Variants in APBB2 observed in about 807,000 individuals in gnomAD.
APBB2 encodes the protein Fe65-like 1.
Under a neutral mutation model 82.5 loss-of-function variants are expected in APBB2, and 38 were observed. The observed-to-expected ratio is 0.46, with a 90% CI of 0.36 to 0.60. The LOEUF (loss-of-function observed/expected upper bound fraction) is 0.60. APBB2 is among the 20% of genes least tolerant of loss of function. The probability of loss-of-function intolerance (pLI) is 0.00; values close to 1 mark genes in which losing one functional copy is unlikely to be tolerated. For synonymous variants in APBB2, 341 were observed against 368.2 expected (o/e 0.93, Z 0.85); for missense variants, 772 against 972.3 (o/e 0.79, Z 2.74).
chr4:41,020,421 C>T (rs571534731), intron 5 of APBB2, among the ~76,000 whole-genome samples: 1 of 152,318 alleles, frequency 6.6e-6, no homozygotes, highest in Admixed American at 6.5e-5. Flanking sequence ...GATAAGGGAA[C>T]TCCTGTAGAA....
At chr4:40,837,358 C>T (rs1388530369) in intron 12 of APBB2, among the ~76,000 whole-genome samples, 2 of 152,210 alleles carry the variant, frequency 1.3e-5, no homozygotes, top group African/African-American at 2.4e-5. Flanking sequence ...TTAGCACTTC[C>T]GGCTTCCAGA....
rs539054652 is a variant in APBB2 at position 41,151,577 on chromosome 4, G to A, written c.-416-8435C>T. On this transcript the variant is annotated intron_variant, in intron 1 of 17. Transcript: ENST00000508593. ...AAAAGATCTTCTGTGGTAAAATCAG[G>A]TTTAGGTTTTTCTGAAAGCGTATTT... Among the ~76,000 whole-genome samples, 556 of 152,196 alleles carry A rather than the reference G, an allele frequency of 3.7e-3. 1 individual carries two copies. Among genetic ancestry groups the A allele is most frequent in the South Asian group, 0.011 (54 of 4,816 alleles).
chr4:41,062,130 G>A (rs17442778), intron 4 of APBB2, among the ~76,000 whole-genome samples: 25,381 of 151,878 alleles, frequency 0.17, 2,312 homozygotes, highest in Non-Finnish European at 0.21. Context: ...TCTGCAGAAC[G>A]TCAGCTTGAG....
chr4:40,992,370 GTCT>G (rs1454020191), intron 6 of APBB2, among the ~76,000 whole-genome samples: 1 of 142,616 alleles, frequency 7.0e-6, no homozygotes, highest in Non-Finnish European at 1.5e-5. Flanking sequence ...ATGGGGGGGG[GTCT>G]TTCTATGTTG....
chr4:41,079,549 ATTT>A (rs36207850), intron 3 of APBB2, among the ~76,000 whole-genome samples: 1 of 145,064 alleles, frequency 6.9e-6, no homozygotes. Context: ...AGGCTCATCA[ATTT>A]TTTTTTTTTT....
intron 12 of APBB2, among the ~76,000 whole-genome samples, chr4:40,866,957 T>C (rs59160629): frequency 3.9e-5 from 6 of 152,164 alleles, no homozygotes; most frequent in Admixed American, 1.3e-4. Context: ...GGTTTCACTA[T>C]GTTGGTCAGG....
At chr4:40,960,346 G>A (rs771486300) in intron 6 of APBB2, among the ~76,000 whole-genome samples, 139 of 150,694 alleles carry the variant, frequency 9.2e-4, no homozygotes, top group Middle Eastern at 3.5e-3. Flanking sequence ...AATAACACAA[G>A]AGAATAGACC....
chr4:40,935,827 C>T (rs1317834000), intron 7 of APBB2, among the ~76,000 whole-genome samples: 1 of 151,700 alleles, frequency 6.6e-6, no homozygotes, highest in Non-Finnish European at 1.5e-5. Flanking sequence ...ATTTTCTAAA[C>T]GTAATTATAG....
chr4:40,829,558 C>G (rs1751151153), intron 13 of APBB2, among the ~76,000 whole-genome samples: 1 of 152,158 alleles, frequency 6.6e-6, no homozygotes, highest in Non-Finnish European at 1.5e-5. Context: ...CAGTCAGTAC[C>G]TGGAAGTTCC....
intron 5 of APBB2, among the ~76,000 whole-genome samples, chr4:41,020,797 G>C (rs1309550760): frequency 6.6e-6 from 1 of 152,168 alleles, no homozygotes; most frequent in African/African-American, 2.4e-5. Flanking sequence ...ATCCCAAATA[G>C]ACTCTGGCAG....
At chr4:40,920,972 T>A (rs1217964871) in intron 10 of APBB2, among the ~76,000 whole-genome samples, 7 of 152,182 alleles carry the variant, frequency 4.6e-5, no homozygotes, top group Non-Finnish European at 1.0e-4. Context: ...CCAGACTGCC[T>A]GGGTTCAAAT....
intron 6 of APBB2, among the ~76,000 whole-genome samples, chr4:40,982,191 A>C (rs1486744297): frequency 1.3e-5 from 1 of 78,188 alleles, no homozygotes; most frequent in African/African-American, 4.3e-5. Flanking sequence ...GTCTCAAAAA[A>C]AAGGAAAGAA....
chr4:40,835,495 G>T (rs568611114), intron 12 of APBB2, among the ~76,000 whole-genome samples: 1 of 152,320 alleles, frequency 6.6e-6, no homozygotes, highest in South Asian at 2.1e-4. Context: ...ATTGAAACAG[G>T]TATGAGCAAA....
At chr4:41,087,991 G>A (rs188144797) in intron 3 of APBB2, among the ~76,000 whole-genome samples, 18 of 152,284 alleles carry the variant, frequency 1.2e-4, no homozygotes, top group Admixed American at 1.0e-3. Context: ...AATGGTAACC[G>A]TCACCTTCAG....
intron 2 of APBB2, among the ~76,000 whole-genome samples, chr4:41,106,501 G>C (rs1307678671): frequency 2.6e-5 from 4 of 152,020 alleles, no homozygotes; most frequent in African/African-American, 9.7e-5. Flanking sequence ...GTTTGAGATG[G>C]AGTCTTGCTC....
intron 12 of APBB2, among the ~76,000 whole-genome samples, chr4:40,858,454 C>CAAAAAAAAAAAAAAAAAAAAA (rs34433911): frequency 7.6e-4 from 44 of 57,714 alleles, no homozygotes; most frequent in Non-Finnish European, 1.2e-3. Context: ...GAGTCCGTCT[C>CAAAAAAAAAAAAAAAAAAAAA]AAAAAAAAAA....
intron 12 of APBB2, among the ~76,000 whole-genome samples, chr4:40,841,667 ATAT>A (rs1755847782): frequency 6.6e-6 from 1 of 151,990 alleles, no homozygotes. Context: ...ATAAGCACTA[ATAT>A]TATTTATTTA....
chr4:41,086,935 C>T (rs1560715837), intron 3 of APBB2, among the ~76,000 whole-genome samples: 2 of 151,534 alleles, frequency 1.3e-5, no homozygotes, highest in Non-Finnish European at 2.9e-5. Context: ...CACACACACA[C>T]ACACACACAC....
rs373644947 is a variant in APBB2, at chr4:41,014,404, G to GA, written c.20-7dup. The GA allele has an allele frequency of 1.0e-4, 166 of 1,592,962 alleles. No individual in the cohort carries two copies. Among genetic ancestry groups the GA allele is most frequent in the Admixed American group, 1.8e-4 (10 of 55,354 alleles). ...GGTGTCAACACCTGAGTCAGCTGGG[G>GA]AAAAAAAAAGTCATTAGACACCTGC... On this transcript the variant is annotated splice_region_variant and splice_polypyrimidine_tract_variant and intron_variant, in intron 5 of 17. Transcript: ENST00000508593.
Sources: allele counts gnomAD v4.1 joint callset (sites outside exome capture counted in the v4.1 genomes callset), GRCh38; gene constraint gnomAD v4.1.1; transcripts MANE v1.5; gene names NCBI Gene and HGNC (gene_info 2026-07-23, HGNC 2026-07-21).